The following FREM2 variants were observed in gnomAD, a reference collection of about 807,000 sequenced individuals.
The protein encoded by FREM2 is FRAS1 related extracellular matrix 2.
FREM2 carries 119 observed loss-of-function variants against 219.9 expected under a neutral mutation model. That is an observed-to-expected ratio of 0.54 (90% CI 0.47 to 0.63). The LOEUF (loss-of-function observed/expected upper bound fraction) is 0.63. Among genes scored for constraint, FREM2 ranks in the 30% least tolerant of loss-of-function variants. The probability of loss-of-function intolerance (pLI) is 0.00; values close to 1 mark genes in which losing one functional copy is unlikely to be tolerated. For missense variants in FREM2, 4,030 were observed against 3,993.6 expected (o/e 1.01, Z -0.25); for synonymous variants, 1,562 against 1,522.8 (o/e 1.03, Z -0.60).
rs760545822 is a variant in FREM2 at position 38,689,645 on chromosome 13, C to G, written c.2301C>G (p.Pro767=). 1 of 1,614,094 alleles carries G rather than the reference C, an allele frequency of 6.2e-7. No individual in the cohort carries two copies. The highest frequency in any genetic ancestry group is 2.2e-5 in the East Asian group (1 of 44,872). Reference sequence around the variant, plus strand: ...GTACCTTGGTCTTGACTGACAACCCCTCAGTCGTGGTGACCCATTTTACCC... The same window carrying G: ...GTACCTTGGTCTTGACTGACAACCCGTCAGTCGTGGTGACCCATTTTACCC... ...PLGTLVLTDN[P]SVVVTHFTQA... Residue 767 remains proline, a synonymous_variant, in exon 1 of 24, where the codon CCC becomes CCG. Transcript: ENST00000280481.
At chr13:38,835,184 A>T (rs976373120) in intron 6 of FREM2, among the ~76,000 whole-genome samples, 1 of 152,070 alleles carries the variant, frequency 6.6e-6, no homozygotes, top group African/African-American at 2.4e-5. Context: ...AGTTTTCCCA[A>T]CACCATTTAT....
intron 6 of FREM2, among the ~76,000 whole-genome samples, chr13:38,817,254 G>A (rs1164116360): frequency 6.6e-6 from 1 of 152,040 alleles, no homozygotes; most frequent in African/African-American, 2.4e-5. Flanking sequence ...AACAACCAAA[G>A]CAATCCTGTG....
chr13:38,835,323 C>T (rs1201153298), intron 6 of FREM2, among the ~76,000 whole-genome samples: 1 of 152,146 alleles, frequency 6.6e-6, no homozygotes, highest in African/African-American at 2.4e-5. Context: ...GTTTTGGTAC[C>T]AGCATCATGC....
intron 6 of FREM2, among the ~76,000 whole-genome samples, chr13:38,805,661 AT>A (rs1875196973): frequency 6.6e-6 from 1 of 151,972 alleles, no homozygotes; most frequent in Non-Finnish European, 1.5e-5. Flanking sequence ...TTGCAGTAGA[AT>A]TTTATCTATA....
chr13:38,833,999 C>T (rs1451100315), intron 6 of FREM2, among the ~76,000 whole-genome samples: 1 of 151,988 alleles, frequency 6.6e-6, no homozygotes, highest in African/African-American at 2.4e-5. Flanking sequence ...TCAAAGCTAC[C>T]AAAAAGAAAT....
At chr13:38,745,463 A>G (rs1593380237) in intron 2 of FREM2, among the ~76,000 whole-genome samples, 1 of 152,306 alleles carries the variant, frequency 6.6e-6, no homozygotes, top group East Asian at 1.9e-4. Flanking sequence ...ATTGTGGTAT[A>G]ATTGCTAATA....
rs1200517771 is a variant in FREM2 at position 38,880,582 on chromosome 13, T to C, written c.9305T>C (p.Leu3102Pro). ...APPDGILPWE[L>P]NSPSSAVSLV... ...CCAGATGGCATCCTCCCCTGGGAGC[T>C]CAACAGCCCCAGCTCTGCAGTCAGC... The change falls in exon 24 of 24, where the codon CTC becomes CCC. Residue 3102 changes from leucine (L) to proline (P), a missense_variant. Coordinates refer to ENST00000280481, the MANE Select transcript of FREM2 (RefSeq NM_207361.6). The C allele has an allele frequency of 6.2e-7, 1 of 1,613,896 alleles. No homozygotes were observed. Among genetic ancestry groups the C allele is most frequent in the South Asian group, 1.1e-5 (1 of 91,078 alleles).
intron 2 of FREM2, among the ~76,000 whole-genome samples, chr13:38,739,912 C>T (rs902684626): frequency 6.6e-6 from 1 of 152,180 alleles, no homozygotes; most frequent in Non-Finnish European, 1.5e-5. Context: ...CAAAACCTCA[C>T]ATTTACATAC....
intron 2 of FREM2, among the ~76,000 whole-genome samples, chr13:38,757,244 A>G (rs1450614962): frequency 6.6e-6 from 1 of 152,170 alleles, no homozygotes; most frequent in Non-Finnish European, 1.5e-5. Context: ...TCATGTCCTC[A>G]AGGAACAAAA....
intron 4 of FREM2, among the ~76,000 whole-genome samples, chr13:38,774,621 C>G (rs1054504615): frequency 6.6e-6 from 1 of 152,156 alleles, no homozygotes; most frequent in Admixed American, 6.5e-5. Context: ...TCTTCCCTTG[C>G]TCTTTAAAGC....
At chr13:38,696,715 A>G (rs988739651) in intron 1 of FREM2, among the ~76,000 whole-genome samples, 1 of 152,238 alleles carries the variant, frequency 6.6e-6, no homozygotes, top group African/African-American at 2.4e-5. Context: ...TTCATAATGA[A>G]AACAAATGTA....
In FREM2 at chr13:38,864,248, G is replaced by T. The variant is rs767826728; in HGVS notation, c.7652-27G>T. ...AAAATTCTTGGCTACTTGAAAGACT[G>T]TTAACAATGATTTCGATTTATCATA... On this transcript the variant is annotated intron_variant, in intron 15 of 23. Transcript: ENST00000280481. 1.8e-5 allele frequency: 29 copies of T among 1,577,456 alleles called. No homozygotes were observed. The South Asian group carries it at 3.2e-4, about 17-fold the overall frequency.
At chr13:38,774,683 T>A (rs1428200130) in intron 4 of FREM2, among the ~76,000 whole-genome samples, 4 of 152,202 alleles carry the variant, frequency 2.6e-5, no homozygotes, top group Non-Finnish European at 5.9e-5. Context: ...AGGGAAAATA[T>A]ACAAGAGCTA....
chr13:38,846,080 G>C (rs927707714), intron 6 of FREM2, among the ~76,000 whole-genome samples: 1 of 152,064 alleles, frequency 6.6e-6, no homozygotes, highest in African/African-American at 2.4e-5. Flanking sequence ...TCTAACCCTT[G>C]TGATTATAAC....
chr13:38,743,327 A>T (rs1000449746), intron 2 of FREM2, among the ~76,000 whole-genome samples: 1 of 151,304 alleles, frequency 6.6e-6, no homozygotes, highest in African/African-American at 2.4e-5. Flanking sequence ...ATATATATAC[A>T]TACATATATA....
At chr13:38,772,608 T>A (rs1196446938) in intron 4 of FREM2, among the ~76,000 whole-genome samples, 1 of 152,156 alleles carries the variant, frequency 6.6e-6, no homozygotes, top group Non-Finnish European at 1.5e-5. Context: ...TTACTTGATG[T>A]TTACAGGAGG....
intron 6 of FREM2, among the ~76,000 whole-genome samples, chr13:38,814,425 G>T (rs1464475479): frequency 6.6e-6 from 1 of 152,210 alleles, no homozygotes; most frequent in Non-Finnish European, 1.5e-5. Flanking sequence ...GCACCTTGGT[G>T]GTCTTGGCTG....
rs773329662 is a variant in FREM2 at position 38,689,766 on chromosome 13, G to A, written c.2422G>A (p.Asp808Asn). The A allele has an allele frequency of 6.2e-7, 1 of 1,613,468 alleles. No individual in the cohort carries two copies. The highest frequency in any genetic ancestry group is 8.5e-7 in the Non-Finnish European group (1 of 1,179,680). ...GGCCCAGTTCCAGTTCCAGGTGGAA[G>A]ACCGAGCTGGGAATGTGGCTCCAGG... Reference protein sequence around the residue: ...RVAQFQFQVEDRAGNVAPGTF... With the variant: ...RVAQFQFQVENRAGNVAPGTF... Residue 808 changes from aspartate (D) to asparagine (N), a missense_variant, in exon 1 of 24, where the codon GAC becomes AAC. Asp to Asn is a conservative substitution (Grantham distance 23). This residue lies in a region of FREM2 where 3,102 missense variants were observed against 2,950.7 expected (regional missense o/e 1.05). Transcript: ENST00000280481.
intron 6 of FREM2, among the ~76,000 whole-genome samples, chr13:38,790,516 T>C (rs1487708469): frequency 6.6e-6 from 1 of 152,208 alleles, no homozygotes; most frequent in Non-Finnish European, 1.5e-5. Context: ...CTAGAAAAGC[T>C]TTTATTGAGT....
Sources: gnomAD v4.1 joint callset for allele counts (sites outside exome capture counted in the v4.1 genomes callset) on GRCh38, gnomAD v4.1.1 for gene constraint, gnomAD v4.1.1 regional missense constraint, MANE v1.5 for transcripts, NCBI Gene and HGNC (gene_info 2026-07-23, HGNC 2026-07-21) for gene names.